EXD3: variants seen among roughly 807,000 people sequenced by gnomAD.
The protein encoded by EXD3 is exonuclease 3'-5' domain containing 3, also known as exonuclease mut-7 homolog.
EXD3 carries 92 observed loss-of-function variants against 98.0 expected under a neutral mutation model. The ratio of observed to expected loss-of-function variants is 0.94; its 90% confidence interval spans 0.79 to 1.12. The LOEUF is 1.12. Among genes scored for constraint, EXD3 ranks in the 50% most tolerant of loss-of-function variants. The pLI, the probability that EXD3 is intolerant of heterozygous loss-of-function variation, is 0.00. For missense variants in EXD3, 1,222 were observed against 1,191.6 expected (o/e 1.03, Z -0.38); for synonymous variants, 569 against 526.0 (o/e 1.08, Z -1.12).
chr9:137,351,674 G>T (rs1834314364), intron 12 of EXD3, 146 bp from the exon 13 acceptor site: 1 of 756,620 alleles, frequency 1.3e-6, no homozygotes, highest in Non-Finnish European at 2.1e-6. Context: ...TGGGGCTGTT[G>T]GGGGCACTAA....
intron 10 of EXD3, 124 bp from the exon 11 acceptor site, chr9:137,352,910 A>G: frequency 6.9e-7 from 1 of 1,443,354 alleles, no homozygotes; most frequent in Non-Finnish European, 9.1e-7. Flanking sequence ...GAGGAGGGGC[A>G]GCCGTCCACC....
intron 1 of EXD3, among the ~76,000 whole-genome samples, chr9:137,406,439 C>A (rs1483282033): frequency 6.6e-6 from 1 of 152,122 alleles, no homozygotes; most frequent in African/African-American, 2.4e-5. Context: ...TCGTGACACC[C>A]CCATCGCACA....
At position 137,395,469 on chromosome 9, in the gene EXD3, G is replaced by A. The variant is rs1042872138; in HGVS notation, c.-47-65C>T. On this transcript the variant is annotated intron_variant, in intron 1 of 21. Coordinates refer to ENST00000340951, the MANE Select transcript of EXD3 (RefSeq NM_017820.5). The surrounding 1 kb of genome is among the most constrained non-coding windows in gnomAD (Gnocchi z 6.5). ...CAACAGGCAGCCATGCAGAGCCCAC[G>A]CCCACAGCCCCTGGAGGTGGTGGAG... 1.0e-5 allele frequency: 15 copies of A among 1,475,854 alleles called. No individual in the cohort carries two copies. The highest frequency in any genetic ancestry group is 5.6e-5 in the Admixed American group (3 of 53,178). 91.4% of individuals were successfully genotyped at this position (1,475,854 alleles called of 1,614,324 possible).
chr9:137,349,287 G>A lies in EXD3; in HGVS notation c.1658-5C>T, dbSNP rs1353383604. ...GCAGGCAGTAGGCGTCGGCAGCTGT[G>A]TGGGGAGTCGGCCTCAGCCTCCCGG... On this transcript the variant is annotated splice_region_variant and splice_polypyrimidine_tract_variant and intron_variant, in intron 15 of 21. Coordinates refer to ENST00000340951, the MANE Select transcript of EXD3 (RefSeq NM_017820.5). This position sits in a 1 kb window ranked among gnomAD's most constrained non-coding sequence, Gnocchi z 7.4. 1.3e-6 allele frequency: 2 copies of A among 1,561,198 alleles called. No homozygotes were observed. The highest frequency in any genetic ancestry group is 1.4e-5 in the African/African-American group (1 of 74,010).
At position 137,338,758 on chromosome 9, in the gene EXD3, T is replaced by C. The variant is rs975983321; in HGVS notation, c.1998+9313A>G. Among the ~76,000 whole-genome samples the C allele has an allele frequency of 4.2e-4, 62 of 146,928 alleles. 1 individual carries two copies. The highest frequency in any genetic ancestry group is 3.6e-3 in the South Asian group (17 of 4,674). On this transcript the variant is annotated intron_variant, in intron 17 of 21. Coordinates refer to ENST00000340951, the MANE Select transcript of EXD3 (RefSeq NM_017820.5). ...AAAAAAAAAAAAAAGCTGGGAGTGGTGGCGGGCGCCTGTAGTCCCAGCTAC... is the reference window on the plus strand; with the variant it reads ...AAAAAAAAAAAAAAGCTGGGAGTGGCGGCGGGCGCCTGTAGTCCCAGCTAC...
At chr9:137,322,129 C>T (rs780910938) in intron 19 of EXD3, among the ~76,000 whole-genome samples, 64 of 152,302 alleles carry the variant, frequency 4.2e-4, no homozygotes, top group Non-Finnish European at 6.8e-4. Flanking sequence ...CCTTGTTAGA[C>T]GTCACCAAGC....
At chr9:137,369,112 G>C (rs542365331) in intron 5 of EXD3, among the ~76,000 whole-genome samples, 10 of 146,850 alleles carry the variant, frequency 6.8e-5, no homozygotes, top group Non-Finnish European at 1.2e-4. Context: ...CGGGGCGTGG[G>C]AGTCTCGGAG....
In EXD3 at chr9:137,407,666, G is replaced by A. The variant is rs1255703851; in HGVS notation, c.-47-12262C>T. The stretch of plus-strand genomic sequence containing the variant: ...CGGCCCCCCAGACACACCCACGGCC[G>A]TCCACCATCCAAGCATAAACCCCAA... On this transcript the variant is annotated intron_variant, in intron 1 of 21. Transcript: ENST00000340951. The surrounding 1 kb of genome is among the most constrained non-coding windows in gnomAD (Gnocchi z 4.4). Among the ~76,000 whole-genome samples the A allele has an allele frequency of 1.3e-5, 2 of 152,314 alleles. No homozygotes were observed. Among genetic ancestry groups the A allele is most frequent in the East Asian group, 3.9e-4 (2 of 5,176 alleles).
At chr9:137,331,789 G>A (rs567738314) in intron 17 of EXD3, among the ~76,000 whole-genome samples, 187 of 152,226 alleles carry the variant, frequency 1.2e-3, no homozygotes, top group Non-Finnish European at 2.2e-3. Context: ...GGTGGTGCAC[G>A]CCTGTAGTCC....
chr9:137,382,812 C>G (rs1049618919), intron 3 of EXD3, among the ~76,000 whole-genome samples: 2 of 152,182 alleles, frequency 1.3e-5, no homozygotes, highest in Admixed American at 1.3e-4. Context: ...AGGCCATTGC[C>G]ACTAAGGAGC....
intron 20 of EXD3, among the ~76,000 whole-genome samples, chr9:137,308,556 C>T (rs528694731): frequency 2.0e-3 from 301 of 151,914 alleles, no homozygotes; most frequent in Middle Eastern, 6.8e-3. Context: ...CCTCCAGCCT[C>T]GCTCTCCGGG....
chr9:137,346,831 T>C (rs1833962506), intron 17 of EXD3, among the ~76,000 whole-genome samples: 1 of 152,206 alleles, frequency 6.6e-6, no homozygotes, highest in Admixed American at 6.5e-5. Flanking sequence ...TCTATTGTTT[T>C]GAGACGGAGT....
intron 19 of EXD3, among the ~76,000 whole-genome samples, chr9:137,312,751 C>G (rs1228889557): frequency 6.6e-6 from 1 of 152,136 alleles, no homozygotes; most frequent in African/African-American, 2.4e-5. Flanking sequence ...CCCAGGGTGT[C>G]TGGGGGCTCT....
chr9:137,379,576 G>A (rs1836122612), intron 3 of EXD3, among the ~76,000 whole-genome samples: 1 of 151,982 alleles, frequency 6.6e-6, no homozygotes, highest in African/African-American at 2.4e-5. Flanking sequence ...GAACCATTCT[G>A]AAACCAGAAG....
At chr9:137,322,219 T>C (rs1832067283) in intron 19 of EXD3, among the ~76,000 whole-genome samples, 1 of 152,138 alleles carries the variant, frequency 6.6e-6, no homozygotes, top group Non-Finnish European at 1.5e-5. Context: ...TTCCCTCGAT[T>C]CCTTCTAGAA....
rs114272925 is a variant in EXD3, at chr9:137,342,624, C to T, written c.1998+5447G>A. On this transcript the variant is annotated intron_variant, in intron 17 of 21. Transcript: ENST00000340951. ...GAGGAAAGTGATGTCCAGCATACAC[C>T]ACATTGTTTGTAAAGATTAGGAACC... 2.8e-3 allele frequency among the ~76,000 whole-genome samples: 427 copies of T among 152,192 alleles called. 2 individuals are homozygous for T. Among genetic ancestry groups the T allele is most frequent in the African/African-American group, 9.3e-3 (386 of 41,512 alleles).
intron 17 of EXD3, among the ~76,000 whole-genome samples, chr9:137,337,964 T>C (rs1833448581): frequency 6.6e-6 from 1 of 152,016 alleles, no homozygotes; most frequent in Non-Finnish European, 1.5e-5. Flanking sequence ...ATTTTTTGAA[T>C]TTTTAGTACA....
intron 5 of EXD3, among the ~76,000 whole-genome samples, chr9:137,368,773 G>A (rs1835413787): frequency 6.6e-6 from 1 of 150,642 alleles, no homozygotes; most frequent in Non-Finnish European, 1.5e-5. Context: ...CCTGCGCAGC[G>A]CTGACCCGGC....
At chr9:137,344,284 C>G in intron 17 of EXD3, among the ~76,000 whole-genome samples, 1 of 152,122 alleles carries the variant, frequency 6.6e-6, no homozygotes, top group African/African-American at 2.4e-5. Context: ...CCAGTGCAGA[C>G]AACTCATCTG....
Sources: allele counts gnomAD v4.1 joint callset (sites outside exome capture counted in the v4.1 genomes callset), GRCh38; gene constraint gnomAD v4.1.1; non-coding constraint Gnocchi (gnomAD v3.1); transcripts MANE v1.5; gene names NCBI Gene and HGNC (gene_info 2026-07-23, HGNC 2026-07-21).